The following ARFGAP3 variants were observed in gnomAD, a reference collection of about 807,000 sequenced individuals.
ARFGAP3 encodes ADP-ribosylation factor GTPase-activating protein 3.
A neutral mutation model predicts 75.0 loss-of-function variants in ARFGAP3; 72 were observed. The observed-to-expected ratio is 0.96, with a 90% CI of 0.79 to 1.17. ARFGAP3 has a LOEUF of 1.17. ARFGAP3 is among the 50% of genes most tolerant of loss of function. The pLI, the probability that ARFGAP3 is intolerant of heterozygous loss-of-function variation, is 0.00. For missense variants in ARFGAP3, 620 were observed against 626.6 expected, an observed-to-expected ratio of 0.99 and a Z score of 0.11; for synonymous variants, 221 against 217.9, an observed-to-expected ratio of 1.01 and a Z score of -0.13.
chr22:42,809,034 A>AT, intron 12 of ARFGAP3, 144 bp from the exon 13 acceptor site: 1 of 1,014,726 alleles, frequency 9.9e-7, no homozygotes, highest in African/African-American at 1.6e-5. Flanking sequence ...GAAAATTCTA[A>AT]TTAAAAAAAA....
At chr22:42,808,599 T>C (rs989043272) in intron 13 of ARFGAP3, among the ~76,000 whole-genome samples, 168 bp downstream of exon 13, 1 of 152,160 alleles carries the variant, frequency 6.6e-6, no homozygotes, top group African/African-American at 2.4e-5. Context: ...AGCAAGCACA[T>C]GATCAGTTAT....
At chr22:42,839,894 G>A (rs1191343530) in intron 3 of ARFGAP3, among the ~76,000 whole-genome samples, 4 of 152,060 alleles carry the variant, frequency 2.6e-5, no homozygotes, top group African/African-American at 9.7e-5. Context: ...CCCTATAAGA[G>A]GGGATATTGG....
chr22:42,827,785 A>G (rs1217185336), intron 6 of ARFGAP3, among the ~76,000 whole-genome samples: 1 of 152,144 alleles, frequency 6.6e-6, no homozygotes, highest in Non-Finnish European at 1.5e-5. Flanking sequence ...TAGCAACTCT[A>G]TGAAGCCTTC....
intron 2 of ARFGAP3, among the ~76,000 whole-genome samples, chr22:42,845,361 C>T (rs1318994944): frequency 1.3e-5 from 2 of 152,058 alleles, no homozygotes; most frequent in African/African-American, 2.4e-5. Context: ...TCTGTCTCTA[C>T]TAAAAGTACA....
Position 42,849,905 on chromosome 22 carries a change from T to C in ARFGAP3, c.70-2273A>G, listed in dbSNP as rs114824885. Reference sequence around the variant, plus strand: ...TGTCCACTAGCACAGAACCTGCACATGGTAAACGCACAATAAGTGTTTGCT... The same window carrying C: ...TGTCCACTAGCACAGAACCTGCACACGGTAAACGCACAATAAGTGTTTGCT... On this transcript the variant is annotated intron_variant, in intron 1 of 15. Transcript: ENST00000263245. Among the ~76,000 whole-genome samples, 779 of 152,234 alleles carry C rather than the reference T, an allele frequency of 5.1e-3. 4 individuals carry two copies. The highest frequency in any genetic ancestry group is 0.017 in the African/African-American group (720 of 41,520).
chr22:42,823,785 TG>T, intron 7 of ARFGAP3, 83 bp from the exon 8 acceptor site: 1 of 1,294,030 alleles, frequency 7.7e-7, no homozygotes, highest in Non-Finnish European at 1.0e-6. Context: ...TCTAAGATAC[TG>T]CACTTTATTA....
chr22:42,801,807 G>T (rs1457017897), intron 14 of ARFGAP3, among the ~76,000 whole-genome samples: 1 of 152,182 alleles, frequency 6.6e-6, no homozygotes, highest in African/African-American at 2.4e-5. Flanking sequence ...GGGGGAGACG[G>T]TCTTCGCATG....
chr22:42,815,410 T>C (rs893004286), intron 11 of ARFGAP3, among the ~76,000 whole-genome samples: 4 of 149,530 alleles, frequency 2.7e-5, no homozygotes, highest in Non-Finnish European at 1.5e-5. Context: ...ACTAAACTAC[T>C]ACTTTTTTTT....
At chr22:42,799,238 C>T (rs56183573) in intron 14 of ARFGAP3, 78 bp from the exon 15 acceptor site, 18,876 of 1,577,132 alleles carry the variant, frequency 0.012, 248 homozygotes, top group African/African-American at 0.062. Flanking sequence ...GAGTGCTCAA[C>T]GGCTCCAGAG....
chr22:42,835,441 T>C lies in ARFGAP3; in HGVS notation c.314A>G (p.Tyr105Cys). ...GCSTNDTNAK[Y>C]NSRAAQLYRE... ...ATAGAGCTGAGCAGCACGACTGTTG[T>C]ACTTGGCATTGGTGTCATTGGTGGA... Residue 105 changes from tyrosine (Y) to cysteine (C), a missense_variant, in exon 4 of 16, where the codon TAC becomes TGC. Physicochemically the swap from Tyr to Cys is radical, Grantham distance 194 (BLOSUM62 -2). Coordinates refer to ENST00000263245, the MANE Select transcript of ARFGAP3 (RefSeq NM_014570.5). The C allele has an allele frequency of 6.2e-7, 1 of 1,614,152 alleles. No individual in the cohort carries two copies. Among genetic ancestry groups the C allele is most frequent in the Non-Finnish European group, 8.5e-7 (1 of 1,180,008 alleles).
intron 14 of ARFGAP3, among the ~76,000 whole-genome samples, chr22:42,806,469 G>C (rs552036635): frequency 2.6e-5 from 4 of 152,364 alleles, no homozygotes; most frequent in African/African-American, 9.6e-5. Flanking sequence ...GGATATGGGA[G>C]ACAGGCAATT....
chr22:42,846,197 G>A (rs528184261), intron 2 of ARFGAP3, among the ~76,000 whole-genome samples: 1 of 152,294 alleles, frequency 6.6e-6, no homozygotes, highest in African/African-American at 2.4e-5. Context: ...CAGCCTAGCT[G>A]GTTCCTTCCC....
chr22:42,827,039 C>T, intron 6 of ARFGAP3, 40 bp from the exon 7 acceptor site: 1 of 1,608,062 alleles, frequency 6.2e-7, no homozygotes, highest in Non-Finnish European at 8.5e-7. Context: ...AGAAAATATA[C>T]TCAGCTAACT....
intron 2 of ARFGAP3, among the ~76,000 whole-genome samples, chr22:42,842,410 T>A (rs892751172): frequency 6.7e-6 from 1 of 148,806 alleles, no homozygotes; most frequent in Admixed American, 6.8e-5. Context: ...AGCCTCTCAG[T>A]GTTGGGATTA....
intron 11 of ARFGAP3, among the ~76,000 whole-genome samples, chr22:42,816,678 C>T (rs1478342490): frequency 1.3e-5 from 2 of 152,144 alleles, no homozygotes. Flanking sequence ...CCTCAAAGTA[C>T]AATCATCTTC....
rs537612856 is a variant in ARFGAP3, at chr22:42,817,815, T to C, written c.855A>G (p.Gln285=). 1.9e-6 allele frequency: 3 copies of C among 1,613,438 alleles called. No homozygotes were observed. The South Asian group carries it at 3.3e-5, about 18-fold the overall frequency. Residue 285 remains glutamine, a synonymous_variant, in exon 10 of 16, where the codon CAA becomes CAG. Coordinates refer to ENST00000263245, the MANE Select transcript of ARFGAP3 (RefSeq NM_014570.5). ...LRLAYKDLEI[Q]MKKDEKMNIS... ...TGTTCATCTTTTCGTCTTTCTTCAT[T>C]TGAATTTCAAGATCCTTATAGGCTA...
chr22:42,824,315 C>T, intron 7 of ARFGAP3, among the ~76,000 whole-genome samples: 1 of 150,962 alleles, frequency 6.6e-6, no homozygotes, highest in East Asian at 1.9e-4. Context: ...CATGCCACAA[C>T]TCTTTTATCA....
intron 10 of ARFGAP3, 26 bp downstream of exon 10, chr22:42,817,703 A>G (rs1490476808): frequency 6.4e-7 from 1 of 1,553,608 alleles, no homozygotes; most frequent in East Asian, 2.3e-5. Flanking sequence ...TTTAAATTCT[A>G]ACTCCAAGAA....
At chr22:42,835,328 T>C (rs756466477) in intron 4 of ARFGAP3, 34 bp downstream of exon 4, 3 of 1,607,946 alleles carry the variant, frequency 1.9e-6, no homozygotes, top group Non-Finnish European at 2.5e-6. Flanking sequence ...TGAACATGTA[T>C]CTAAAGGAAA....
Sources: allele counts gnomAD v4.1 joint callset (sites outside exome capture counted in the v4.1 genomes callset), GRCh38; gene constraint gnomAD v4.1.1; transcripts MANE v1.5; gene names NCBI Gene and HGNC (gene_info 2026-07-23, HGNC 2026-07-21).